The following DIO2 variants were observed in gnomAD, a reference collection of about 807,000 sequenced individuals.
The protein encoded by DIO2 is iodothyronine deiodinase 2.
In DIO2, 19 loss-of-function variants were observed where a neutral mutation model predicts 21.4. That is an observed-to-expected ratio of 0.89 (90% confidence interval 0.62 to 1.30). The LOEUF (loss-of-function observed/expected upper bound fraction) is 1.30, where lower values mean the gene tolerates loss of function less well. Ranked by LOEUF, DIO2 falls within the 50% of genes most tolerant of loss-of-function variation. The pLI, the probability that DIO2 is intolerant of heterozygous loss-of-function variation, is 0.00. For missense variants in DIO2, 302 were observed against 338.1 expected (o/e 0.89, Z 0.84); for synonymous variants, 122 against 132.9 (o/e 0.92, Z 0.57).
intron 1 of DIO2, chr14:80,206,336 T>C: frequency 6.6e-7 from 1 of 1,518,762 alleles, no homozygotes; most frequent in Non-Finnish European, 8.8e-7. Flanking sequence ...GAGGACAATT[T>C]AGCTAAAATA....
chr14:80,210,364 T>C (rs781244320), intron 1 of DIO2, among the ~76,000 whole-genome samples: 4 of 152,116 alleles, frequency 2.6e-5, no homozygotes, highest in Non-Finnish European at 5.9e-5. Flanking sequence ...CACAGTATTT[T>C]TCACTTAGAA....
Position 80,199,148 on chromosome 14 carries a change from G to A in DIO2, c.*3541C>T, listed in dbSNP as rs1185756852. ...GAATTTTCCCGAAGGCATACATACT[G>A]TCTCTAACCTGCCCTCTAGAATTTT... On this transcript the variant is annotated 3_prime_UTR_variant, in exon 2 of 2. Transcript: ENST00000438257. 5 of 152,208 alleles carry A rather than the reference G, an allele frequency of 3.3e-5. No homozygotes were observed. The highest frequency in any genetic ancestry group is 7.3e-5 in the Non-Finnish European group (5 of 68,040). The allele number at this position is 152,208 out of a possible 1,614,324, so 9.4% of individuals were successfully genotyped here.
chr14:80,220,418 G>T (rs1400304665), intron 2 of DIO2, among the ~76,000 whole-genome samples: 2 of 152,100 alleles, frequency 1.3e-5, no homozygotes, highest in Non-Finnish European at 2.9e-5. Context: ...TATAGTTAAA[G>T]AATACATTAG....
chr14:80,202,109 C>T lies in DIO2; in HGVS notation c.*580G>A, dbSNP rs144435120. 24 of 302,182 alleles carry T rather than the reference C, an allele frequency of 7.9e-5. No individual in the cohort carries two copies. Among genetic ancestry groups the T allele is most frequent in the Middle Eastern group, 9.9e-4 (1 of 1,012 alleles). 18.7% of individuals were successfully genotyped at this position (302,182 alleles called of 1,614,324 possible). The stretch of plus-strand genomic sequence containing the variant: ...ATCATTCTCGGTATCTACAAATATA[C>T]CAATAATTTCTGGGGTATGAAGACT... On this transcript the variant is annotated 3_prime_UTR_variant, in exon 2 of 2. Transcript: ENST00000438257.
rs1054639637 is a variant in DIO2, at chr14:80,198,327, C to T, written c.*4362G>A. On this transcript the variant is annotated 3_prime_UTR_variant, in exon 2 of 2. Transcript: ENST00000438257. ...TTGGATATCTGCACATGTTTGCTTT[C>T]TATTGGTTCAGACTCACCTTGGAAC... 9 of 152,656 alleles carry T rather than the reference C, an allele frequency of 5.9e-5. No homozygotes were observed. The highest frequency in any genetic ancestry group is 2.2e-4 in the African/African-American group (9 of 41,442). The allele number at this position is 152,656 out of a possible 1,614,324, so 9.5% of individuals were successfully genotyped here. A position where few individuals can be genotyped will look rare whatever the true frequency, so the allele number is the denominator to read the frequency against.
At chr14:80,203,486 G>T (rs1887829408) in intron 1 of DIO2, among the ~76,000 whole-genome samples, 198 bp from the exon 2 acceptor site, 2 of 152,080 alleles carry the variant, frequency 1.3e-5, no homozygotes, top group African/African-American at 2.4e-5. Context: ...TGGCCCAAAA[G>T]ACAATAAAAG....
chr14:80,216,501 G>A (rs1888364224), upstream of DIO2, among the ~76,000 whole-genome samples: 1 of 152,156 alleles, frequency 6.6e-6, no homozygotes. Context: ...CAGGTGCCTT[G>A]ACTCTTATTT....
chr14:80,216,321 G>A (rs1291937940), upstream of DIO2, among the ~76,000 whole-genome samples: 4 of 152,198 alleles, frequency 2.6e-5, no homozygotes, highest in South Asian at 2.1e-4. Context: ...TAATTGTGGC[G>A]ATGCTCTTTG....
Position 80,202,811 on chromosome 14 carries a change from G to A in DIO2, c.700C>T (p.Gln234Ter). Residue 234 changes from glutamine (Q) to a stop codon, truncating the protein, a stop_gained, in exon 2 of 2, where the codon CAG becomes TAG. Coordinates refer to ENST00000438257, the MANE Select transcript of DIO2 (RefSeq NM_013989.5). LOFTEE classifies it high-confidence loss of function. ...CCCAGATAAGCAATTTTCTGTCTCT[G>A]CACAATGCACACACGTTCAAAGGCT... ...GVAFERVCIV[Q>*]RQKIAYLGGK... The A allele has an allele frequency of 2.5e-6, 4 of 1,613,896 alleles. No individual in the cohort carries two copies. The highest frequency in any genetic ancestry group is 3.4e-6 in the Non-Finnish European group (4 of 1,179,884).
intron 1 of DIO2, 88 bp from the exon 2 acceptor site, chr14:80,203,376 G>T (rs116508894): frequency 3.3e-5 from 46 of 1,401,548 alleles, no homozygotes; most frequent in Non-Finnish European, 4.4e-5. Context: ...ACATTAAATA[G>T]TTACAATTGG....
In DIO2 at chr14:80,202,553, G is replaced by T; in HGVS notation, c.*136C>A. 1 of 918,008 alleles carries T rather than the reference G, an allele frequency of 1.1e-6. No homozygotes were observed. The highest frequency in any genetic ancestry group is 1.6e-6 in the Non-Finnish European group (1 of 617,926). 56.9% of individuals were successfully genotyped at this position (918,008 alleles called of 1,614,324 possible). ...GTGAAAGAAGTATGGAGCTGTTAGA[G>T]ATTCATGTTCTTCCGATAGATAAAC... On this transcript the variant is annotated 3_prime_UTR_variant, in exon 2 of 2. Transcript: ENST00000438257.
chr14:80,219,946 C>T (rs1888432641), intron 2 of DIO2, among the ~76,000 whole-genome samples: 2 of 152,052 alleles, frequency 1.3e-5, no homozygotes, highest in African/African-American at 4.8e-5. Context: ...TATTTTTTGA[C>T]CTTAGAACAT....
intron 2 of DIO2, among the ~76,000 whole-genome samples, chr14:80,226,502 C>A (rs879412827): frequency 4.6e-5 from 7 of 152,192 alleles, no homozygotes; most frequent in Non-Finnish European, 8.8e-5. Flanking sequence ...TGAGGACAAA[C>A]CTGTGCCCTT....
intron 1 of DIO2, among the ~76,000 whole-genome samples, chr14:80,209,379 G>A (rs2140005797): frequency 6.6e-6 from 1 of 151,474 alleles, no homozygotes; most frequent in African/African-American, 2.4e-5. Context: ...ATAGGCAAAA[G>A]GCAATTGTCC....
intron 2 of DIO2, among the ~76,000 whole-genome samples, chr14:80,229,482 G>T (rs564179720): frequency 6.6e-6 from 1 of 152,222 alleles, no homozygotes; most frequent in South Asian, 2.1e-4. Context: ...TGCAGGTGCT[G>T]CCCTCACACA....
chr14:80,223,238 T>C (rs1049149891), intron 2 of DIO2, among the ~76,000 whole-genome samples: 2 of 152,204 alleles, frequency 1.3e-5, no homozygotes, highest in African/African-American at 4.8e-5. Flanking sequence ...AAAAACCCAT[T>C]AATAATATTT....
Position 80,211,367 on chromosome 14 carries a change from G to A in DIO2, c.106C>T (p.His36Tyr). Residue 36 changes from histidine (H) to tyrosine (Y), a missense_variant, in exon 1 of 2, where the codon CAC becomes TAC. Coordinates refer to ENST00000438257, the MANE Select transcript of DIO2 (RefSeq NM_013989.5). ...ALYDSVILLK[H>Y]VVLLLSRSKS... is the part of the protein sequence containing the mutation. Reference sequence around the variant, plus strand: ...GAGCGGCTCAACAGCAGCACCACGTGCTTGAGCAGAATGACCGAGTCATAG... The same window carrying A: ...GAGCGGCTCAACAGCAGCACCACGTACTTGAGCAGAATGACCGAGTCATAG... 1 of 1,613,780 alleles carries A rather than the reference G, an allele frequency of 6.2e-7. No homozygotes were observed. Among genetic ancestry groups the A allele is most frequent in the Non-Finnish European group, 8.5e-7 (1 of 1,179,856 alleles).
chr14:80,224,496 T>TACACACACACACACACACACAC (rs59545805), intron 2 of DIO2, among the ~76,000 whole-genome samples: 2 of 138,380 alleles, frequency 1.4e-5, no homozygotes, highest in African/African-American at 2.6e-5. Flanking sequence ...AGAGAGATAC[T>TACACACACACACACACACACAC]ACACACACAC....
intron 2 of DIO2, among the ~76,000 whole-genome samples, chr14:80,218,182 A>AAAAC (rs562163446): frequency 1.2e-4 from 18 of 152,054 alleles, no homozygotes; most frequent in African/African-American, 3.4e-4. Flanking sequence ...CTTCTTTGTA[A>AAAAC]AAACAAACAA....
Sources: allele counts gnomAD v4.1 joint callset (sites outside exome capture counted in the v4.1 genomes callset), GRCh38; gene constraint gnomAD v4.1.1; transcripts MANE v1.5; gene names NCBI Gene and HGNC (gene_info 2026-07-23, HGNC 2026-07-21).